Variants in CERS5 observed in about 807,000 individuals in gnomAD.
CERS5 encodes the protein LAG1 homolog, ceramide synthase 5.
CERS5 carries 37 observed loss-of-function variants against 58.9 expected under a neutral mutation model. That is an observed-to-expected ratio of 0.63 (90% CI 0.48 to 0.83). The LOEUF is 0.83. Ranked by LOEUF, CERS5 falls within the 40% of genes least tolerant of loss-of-function variation. The pLI, the probability that CERS5 is intolerant of heterozygous loss-of-function variation, is 0.00. For missense variants in CERS5, 398 were observed against 489.3 expected, an observed-to-expected ratio of 0.81 and a Z score of 1.76; for synonymous variants, 147 against 177.8, an observed-to-expected ratio of 0.83 and a Z score of 1.38.
intron 9 of CERS5, among the ~76,000 whole-genome samples, chr12:50,132,760 CAAAA>C (rs940875631): frequency 6.6e-6 from 1 of 151,274 alleles, no homozygotes; most frequent in African/African-American, 2.4e-5. Flanking sequence ...TCAAGAAAAA[CAAAA>C]AAAAGTAGAC....
At chr12:50,145,794 A>G (rs2138121418) in intron 1 of CERS5, among the ~76,000 whole-genome samples, 1 of 152,336 alleles carries the variant, frequency 6.6e-6, no homozygotes, top group Non-Finnish European at 1.5e-5. Flanking sequence ...CCTTGTAAAC[A>G]CAAATAGACT....
intron 1 of CERS5, among the ~76,000 whole-genome samples, chr12:50,164,759 G>T (rs1939681858): frequency 6.6e-6 from 1 of 152,062 alleles, no homozygotes. Context: ...TCTGCCAGGG[G>T]ATATATGTCT....
chr12:50,144,685 A>G (rs1254009112), intron 1 of CERS5: 3 of 710,264 alleles, frequency 4.2e-6, no homozygotes, highest in Non-Finnish European at 6.9e-6. Flanking sequence ...AAGCTAGGAA[A>G]GGTGAGAAGG....
chr12:50,163,595 CTGAGGCAGCAGGATCGCT>C (rs1939545773), intron 1 of CERS5, among the ~76,000 whole-genome samples: 1 of 152,180 alleles, frequency 6.6e-6, no homozygotes, highest in Non-Finnish European at 1.5e-5. Flanking sequence ...CTTTGGGAAG[CTGAGGCAGCAGGATCGCT>C]TGAGGCCAGG....
intron 1 of CERS5, chr12:50,166,323 C>CAAAAAAA (rs59606341): frequency 7.9e-6 from 1 of 126,820 alleles, no homozygotes; most frequent in Non-Finnish European, 1.7e-5. Flanking sequence ...AACTCTGTCT[C>CAAAAAAA]AAAAAAAAAA....
chr12:50,140,513 G>C (rs920587866), intron 4 of CERS5, among the ~76,000 whole-genome samples: 1 of 151,954 alleles, frequency 6.6e-6, no homozygotes, highest in African/African-American at 2.4e-5. Flanking sequence ...TTGAACTCCT[G>C]AACTCAGGCA....
At chr12:50,156,830 T>C (rs1938712227) in intron 1 of CERS5, among the ~76,000 whole-genome samples, 1 of 152,154 alleles carries the variant, frequency 6.6e-6, no homozygotes, top group Non-Finnish European at 1.5e-5. Context: ...GTGGACTGAT[T>C]GAGGCCAGGA....
intron 2 of CERS5, 153 bp downstream of exon 2, chr12:50,143,799 G>A (rs1952111070): frequency 3.5e-6 from 2 of 574,248 alleles, no homozygotes; most frequent in South Asian, 2.3e-5. Flanking sequence ...TCCCTGAGGG[G>A]ATAAAGCTCT....
chr12:50,139,076 A>T (rs1253122339), intron 4 of CERS5, among the ~76,000 whole-genome samples: 1 of 152,240 alleles, frequency 6.6e-6, no homozygotes, highest in Non-Finnish European at 1.5e-5. Flanking sequence ...CAATGACTAT[A>T]GGATCTGTAG....
intron 1 of CERS5, among the ~76,000 whole-genome samples, chr12:50,147,644 A>C (rs1041402067): frequency 3.9e-5 from 6 of 152,222 alleles, no homozygotes; most frequent in Non-Finnish European, 8.8e-5. Flanking sequence ...TACATGACAT[A>C]TAACAACAGA....
chr12:50,153,747 G>C (rs1489808454), intron 1 of CERS5: 4 of 264,066 alleles, frequency 1.5e-5, no homozygotes, highest in Non-Finnish European at 3.1e-5. Context: ...CTGAGGTCAG[G>C]AGTTTGAGAC....
intron 1 of CERS5, among the ~76,000 whole-genome samples, chr12:50,162,435 C>A (rs1232097380): frequency 6.6e-6 from 1 of 151,958 alleles, no homozygotes; most frequent in African/African-American, 2.4e-5. Context: ...TAAAAGGAGG[C>A]CGGAGTTCTA....
At chr12:50,151,792 CCCA>C (rs1254479713) in intron 1 of CERS5, among the ~76,000 whole-genome samples, 2 of 152,152 alleles carry the variant, frequency 1.3e-5, no homozygotes, top group African/African-American at 4.8e-5. Context: ...ATTACAAGTG[CCCA>C]CCACCACACC....
At chr12:50,140,386 C>T (rs1412458728) in intron 4 of CERS5, among the ~76,000 whole-genome samples, 1 of 145,374 alleles carries the variant, frequency 6.9e-6, no homozygotes, top group Non-Finnish European at 1.5e-5. Context: ...AAGGTTCAAG[C>T]GATTCTCGTG....
At chr12:50,132,853 G>A in intron 9 of CERS5, 1 of 1,215,588 alleles carries the variant, frequency 8.2e-7, no homozygotes, top group Admixed American at 2.8e-5. Context: ...TCAGGAGAGA[G>A]GGCATGCTCT....
At chr12:50,166,123 G>A (rs926794878) in intron 1 of CERS5, 1 of 280,604 alleles carries the variant, frequency 3.6e-6, no homozygotes, top group Non-Finnish European at 7.1e-6. Context: ...AGGAGTTACA[G>A]ACCAGCCTGG....
chr12:50,138,462 A>G, intron 5 of CERS5, 105 bp downstream of exon 5: 2 of 952,552 alleles, frequency 2.1e-6, no homozygotes, highest in South Asian at 1.3e-5. Context: ...TAATCCCTCA[A>G]TCCCAAGGAA....
intron 4 of CERS5, among the ~76,000 whole-genome samples, chr12:50,139,715 C>A (rs1015383763): frequency 6.6e-6 from 1 of 152,024 alleles, no homozygotes; most frequent in African/African-American, 2.4e-5. Flanking sequence ...ATCACTTGAA[C>A]CCAGGAGGCA....
Position 50,129,703 on chromosome 12 carries a change from A to G in CERS5, c.*842T>C, listed in dbSNP as rs1282725474. ...CACAGAAAGGAAAAATTTGGTGTCCAGGGCCTTCTGAATCAGACCTGGAAA... is the reference window on the plus strand; with the variant it reads ...CACAGAAAGGAAAAATTTGGTGTCCGGGGCCTTCTGAATCAGACCTGGAAA... On this transcript the variant is annotated 3_prime_UTR_variant, in exon 10 of 10. Transcript: ENST00000317551. 1 of 152,124 alleles carries G rather than the reference A, an allele frequency of 6.6e-6. No homozygotes were observed. Among genetic ancestry groups the G allele is most frequent in the Non-Finnish European group, 1.5e-5 (1 of 68,034 alleles). 9.4% of individuals were successfully genotyped at this position (152,124 alleles called of 1,614,324 possible). A position where few individuals can be genotyped will look rare whatever the true frequency, so the allele number is the denominator to read the frequency against.
Sources: allele counts gnomAD v4.1 joint callset (sites outside exome capture counted in the v4.1 genomes callset), GRCh38; gene constraint gnomAD v4.1.1; transcripts MANE v1.5; gene names NCBI Gene and HGNC (gene_info 2026-07-23, HGNC 2026-07-21).